SUSD6: variants seen among roughly 807,000 people sequenced by gnomAD.
The protein encoded by SUSD6 is sushi domain-containing protein 6.
A neutral mutation model predicts 28.4 loss-of-function variants in SUSD6; 16 were observed. The ratio of observed to expected loss-of-function variants is 0.56; its 90% CI spans 0.38 to 0.86. The LOEUF is 0.86. Ranked by LOEUF, SUSD6 falls within the 40% of genes least tolerant of loss-of-function variation. The pLI is 0.00. For synonymous variants in SUSD6, 147 were observed against 159.6 expected, an observed-to-expected ratio of 0.92 and a Z score of 0.59; for missense variants, 341 against 384.2, an observed-to-expected ratio of 0.89 and a Z score of 0.94.
At chr14:69,647,555 C>T (rs959293665) in intron 1 of SUSD6, among the ~76,000 whole-genome samples, 11 of 152,102 alleles carry the variant, frequency 7.2e-5, no homozygotes, top group South Asian at 4.1e-4. Flanking sequence ...TAATGGATGT[C>T]CTAATTGTAT....
chr14:69,639,211 C>G (rs1370162567), intron 1 of SUSD6, among the ~76,000 whole-genome samples: 1 of 148,192 alleles, frequency 6.7e-6, no homozygotes, highest in Admixed American at 7.0e-5. Flanking sequence ...ACCTGTAGTC[C>G]CAGCTACTCG....
In SUSD6 at chr14:69,708,850, T is replaced by C. The variant is rs1449043972; in HGVS notation, c.632T>C (p.Val211Ala). The C allele has an allele frequency of 1.2e-6, 2 of 1,614,074 alleles. No homozygotes were observed. Among genetic ancestry groups the C allele is most frequent in the Admixed American group, 1.7e-5 (1 of 60,010 alleles). The stretch of plus-strand genomic sequence containing the variant: ...GGGTCTGGGCCCAGTGGGAGGAGCG[T>C]GCCAAGGGAGCAACAGCTGCCGGAC... ...SEGSGPSGRSVPREQQLPDQG... is the reference protein window; with the variant it reads ...SEGSGPSGRSAPREQQLPDQG... Residue 211 changes from valine to alanine, a missense_variant, in exon 5 of 6, where the codon GTG becomes GCG. Transcript: ENST00000342745.
chr14:69,641,201 T>A lies in SUSD6; in HGVS notation c.-80-17312T>A, dbSNP rs900020574. Among the ~76,000 whole-genome samples, 6 of 152,266 alleles carry A rather than the reference T, an allele frequency of 3.9e-5. No homozygotes were observed. The South Asian group carries it at 1.0e-3, about 26-fold the overall frequency. On this transcript the variant is annotated intron_variant, in intron 1 of 5. Transcript: ENST00000342745. ...TTTAGGATTTTCTTTATCACTGTTT[T>A]TTTAACATTTCGATTATGATGTACC... is the stretch of plus-strand genomic sequence containing the variant.
intron 1 of SUSD6, among the ~76,000 whole-genome samples, chr14:69,656,337 G>GCT (rs1043114102): frequency 1.2e-4 from 18 of 152,254 alleles, no homozygotes; most frequent in Admixed American, 1.1e-3. Flanking sequence ...TTATACACGT[G>GCT]CTGTGATGTG....
At chr14:69,641,793 G>T (rs186137126) in intron 1 of SUSD6, among the ~76,000 whole-genome samples, 1 of 151,796 alleles carries the variant, frequency 6.6e-6, no homozygotes, top group South Asian at 2.1e-4. Flanking sequence ...AGAGAGGAGG[G>T]GGGGTCTCCC....
At chr14:69,672,989 G>A (rs1885856139) in intron 2 of SUSD6, among the ~76,000 whole-genome samples, 1 of 152,216 alleles carries the variant, frequency 6.6e-6, no homozygotes, top group Non-Finnish European at 1.5e-5. Context: ...GGCTTAAAGG[G>A]CAGTTCCGTC....
chr14:69,686,137 C>G (rs1244514510), intron 2 of SUSD6, among the ~76,000 whole-genome samples: 1 of 152,112 alleles, frequency 6.6e-6, no homozygotes, highest in African/African-American at 2.4e-5. Context: ...ATGAATGTGC[C>G]AGAAGTAAGA....
chr14:69,667,429 T>G (rs1885760210), intron 2 of SUSD6, among the ~76,000 whole-genome samples: 1 of 141,388 alleles, frequency 7.1e-6, no homozygotes, highest in African/African-American at 2.7e-5. Context: ...CAGGCTGGAG[T>G]GCAGTGGTGC....
intron 2 of SUSD6, among the ~76,000 whole-genome samples, chr14:69,695,718 G>A (rs1472468882): frequency 6.6e-6 from 1 of 152,138 alleles, no homozygotes; most frequent in African/African-American, 2.4e-5. Flanking sequence ...GTGAAATTGA[G>A]CAAGTATCTC....
At chr14:69,656,584 G>T (rs1462183688) in intron 1 of SUSD6, among the ~76,000 whole-genome samples, 2 of 152,222 alleles carry the variant, frequency 1.3e-5, no homozygotes, top group Non-Finnish European at 2.9e-5. Context: ...CCCCTACTGT[G>T]CAGGTCTTAT....
chr14:69,669,959 T>G lies in SUSD6; in HGVS notation c.121+11246T>G, dbSNP rs372587613. ...GGATTGGCCAGCTTTTTATGACCTC[T>G]GGTAATTGCAGCTTTGGGGAACTTG... is the stretch of plus-strand genomic sequence containing the variant. On this transcript the variant is annotated intron_variant, in intron 2 of 5. Coordinates refer to ENST00000342745, the MANE Select transcript of SUSD6 (RefSeq NM_014734.4). 2.6e-5 allele frequency among the ~76,000 whole-genome samples: 4 copies of G among 152,336 alleles called. No individual in the cohort carries two copies. In the East Asian group the frequency reaches 5.8e-4, roughly 22 times the overall value.
At chr14:69,695,230 G>A (rs1163655976) in intron 2 of SUSD6, among the ~76,000 whole-genome samples, 1 of 152,188 alleles carries the variant, frequency 6.6e-6, no homozygotes, top group African/African-American at 2.4e-5. Context: ...GCTGGGCAGA[G>A]CCATGGACCA....
rs572632616 is a variant in SUSD6, at chr14:69,709,524, G to A, written c.886+420G>A. ...GACAGCTGCTGCTTTCTAAACAGGA[G>A]TGTTCCGGGTACTATGCTAGTTTGT... On this transcript the variant is annotated intron_variant, in intron 5 of 5. Coordinates refer to ENST00000342745, the MANE Select transcript of SUSD6 (RefSeq NM_014734.4). Among the ~76,000 whole-genome samples the A allele has an allele frequency of 2.0e-5, 3 of 152,358 alleles. No individual in the cohort carries two copies. The South Asian group carries it at 6.2e-4, about 32-fold the overall frequency.
rs780071163 is a variant in SUSD6, at chr14:69,708,925, C to T, written c.707C>T (p.Ser236Phe). ...AGGEDEAPGQ[S>F]GLCEAWGSRA... ...GGAGAAGATGAGGCCCCAGGCCAGT[C>T]TGGACTATGTGAAGCCTGGGGCTCT... Residue 236 changes from serine (S) to phenylalanine (F), a missense_variant, in exon 5 of 6, where the codon TCT (serine) becomes TTT (phenylalanine). Ser to Phe is a radical substitution (Grantham distance 155). Coordinates refer to ENST00000342745, the MANE Select transcript of SUSD6 (RefSeq NM_014734.4). The T allele has an allele frequency of 6.2e-7, 1 of 1,614,058 alleles. No individual in the cohort carries two copies. Among genetic ancestry groups the T allele is most frequent in the African/African-American group, 1.3e-5 (1 of 74,928 alleles).
intron 2 of SUSD6, among the ~76,000 whole-genome samples, chr14:69,680,560 T>C (rs1885983413): frequency 6.6e-6 from 1 of 152,110 alleles, no homozygotes; most frequent in South Asian, 2.1e-4. Flanking sequence ...AAACTCAGGG[T>C]CCCATAAGAC....
intron 4 of SUSD6, among the ~76,000 whole-genome samples, chr14:69,708,239 T>A (rs951781591): frequency 6.6e-6 from 1 of 152,226 alleles, no homozygotes; most frequent in Non-Finnish European, 1.5e-5. Context: ...GTTTTTAGTA[T>A]ATTCACAGAT....
At chr14:69,675,054 G>A (rs191988855) in intron 2 of SUSD6, among the ~76,000 whole-genome samples, 13 of 149,910 alleles carry the variant, frequency 8.7e-5, no homozygotes, top group Admixed American at 6.0e-4. Flanking sequence ...CCACCCCTCT[G>A]CTTTAATCTG....
chr14:69,658,238 G>C (rs934493555), intron 1 of SUSD6, among the ~76,000 whole-genome samples: 8 of 152,118 alleles, frequency 5.3e-5, no homozygotes, highest in Admixed American at 3.9e-4. Flanking sequence ...AGGCGGTGGG[G>C]CAGAGCTGGG....
In SUSD6 at chr14:69,703,631, C is replaced by T. The variant is rs201945580; in HGVS notation, c.319+39C>T. 4.5e-5 allele frequency: 71 copies of T among 1,583,994 alleles called. No homozygotes were observed. In the East Asian group the frequency reaches 1.6e-3, roughly 35 times the overall value. On this transcript the variant is annotated intron_variant, in intron 3 of 5. Coordinates refer to ENST00000342745, the MANE Select transcript of SUSD6 (RefSeq NM_014734.4). Reference sequence around the variant, plus strand: ...ATGAAAAAGGGATGCTGCTGGGGTTCTGCTTTCTGTTAACTCACAGGATGC... The same window carrying T: ...ATGAAAAAGGGATGCTGCTGGGGTTTTGCTTTCTGTTAACTCACAGGATGC...
Sources: gnomAD v4.1 joint callset for allele counts (sites outside exome capture counted in the v4.1 genomes callset) on GRCh38, gnomAD v4.1.1 for gene constraint, MANE v1.5 for transcripts, NCBI Gene and HGNC (gene_info 2026-07-23, HGNC 2026-07-21) for gene names.